Variants in ANKRD17 observed in about 807,000 individuals in gnomAD.
ANKRD17 encodes ankyrin repeat domain-containing protein 17.
In ANKRD17, 19 loss-of-function variants were observed where a neutral mutation model predicts 229.7. That is an observed-to-expected ratio of 0.08 (90% CI 0.06 to 0.12). The LOEUF (loss-of-function observed/expected upper bound fraction) is 0.12, where lower values mean the gene tolerates loss of function less well. ANKRD17 is among the 10% of genes least tolerant of loss of function. ANKRD17 has a pLI of 1.00. For missense variants in ANKRD17, 2,176 were observed against 3,176.8 expected (o/e 0.68, Z 7.57); for synonymous variants, 1,112 against 1,146.1 (o/e 0.97, Z 0.60).
At chr4:73,083,947 C>CAA (rs1387866184) in intron 30 of ANKRD17, among the ~76,000 whole-genome samples, 27 of 125,790 alleles carry the variant, frequency 2.1e-4, no homozygotes, top group Non-Finnish European at 3.5e-4. Flanking sequence ...AAAAACAAAA[C>CAA]AAAAAAAAAA....
intron 6 of ANKRD17, among the ~76,000 whole-genome samples, chr4:73,152,403 T>G (rs1731114314): frequency 6.6e-6 from 1 of 152,078 alleles, no homozygotes; most frequent in African/African-American, 2.4e-5. Flanking sequence ...AAAATCCACA[T>G]TAGTGCTCAG....
rs563216226 is a variant in ANKRD17, at chr4:73,166,231, G to T, written c.548-4883C>A. Among the ~76,000 whole-genome samples the T allele has an allele frequency of 3.3e-5, 5 of 152,274 alleles. No individual in the cohort carries two copies. The South Asian group carries it at 1.0e-3, about 32-fold the overall frequency. On this transcript the variant is annotated intron_variant, in intron 2 of 33. Coordinates refer to ENST00000358602, the MANE Select transcript of ANKRD17 (RefSeq NM_032217.5). ...ACCCAAGGATCACCAGACATCTGAAGAAAATCTTAAATATGAAAAGCCAAC... is the reference window on the plus strand; with the variant it reads ...ACCCAAGGATCACCAGACATCTGAATAAAATCTTAAATATGAAAAGCCAAC...
intron 31 of ANKRD17, among the ~76,000 whole-genome samples, chr4:73,078,438 T>C (rs1174121877): frequency 6.6e-6 from 1 of 151,818 alleles, no homozygotes; most frequent in Non-Finnish European, 1.5e-5. Context: ...CTTGGGAGGC[T>C]GTGGCAGGAG....
At chr4:73,148,691 T>C (rs1011876893) in intron 8 of ANKRD17, 122 bp downstream of exon 8, 4 of 861,854 alleles carry the variant, frequency 4.6e-6, no homozygotes, top group Non-Finnish European at 7.3e-6. Flanking sequence ...ACTTTATCAC[T>C]GGTTTGTGTA....
chr4:73,095,040 GGT>G (rs1288317613), intron 27 of ANKRD17, among the ~76,000 whole-genome samples: 2 of 151,898 alleles, frequency 1.3e-5, no homozygotes, highest in Non-Finnish European at 2.9e-5. Flanking sequence ...CAGGCATGGT[GGT>G]GTGCACCTGT....
At chr4:73,158,273 A>C (rs750515129) in intron 3 of ANKRD17, among the ~76,000 whole-genome samples, 2 of 152,186 alleles carry the variant, frequency 1.3e-5, no homozygotes, top group Non-Finnish European at 2.9e-5. Flanking sequence ...TCACAGTAAA[A>C]GCTGAAATCC....
intron 1 of ANKRD17, among the ~76,000 whole-genome samples, chr4:73,179,059 C>T (rs1735099885): frequency 6.6e-6 from 1 of 151,980 alleles, no homozygotes; most frequent in South Asian, 2.1e-4. Context: ...AAATCCTTAA[C>T]CATCATAACC....
intron 1 of ANKRD17, among the ~76,000 whole-genome samples, chr4:73,181,294 A>C (rs1735511069): frequency 6.6e-6 from 1 of 152,246 alleles, no homozygotes; most frequent in South Asian, 2.1e-4. Context: ...AAAGAAATGC[A>C]TGATACCAGC....
intron 2 of ANKRD17, among the ~76,000 whole-genome samples, chr4:73,173,621 A>G (rs1734330561): frequency 6.6e-6 from 1 of 152,238 alleles, no homozygotes; most frequent in Non-Finnish European, 1.5e-5. Flanking sequence ...AGACAGTCAA[A>G]TAACTGTGAG....
chr4:73,209,575 C>T (rs1248073001), intron 1 of ANKRD17, among the ~76,000 whole-genome samples: 2 of 152,102 alleles, frequency 1.3e-5, no homozygotes, highest in Non-Finnish European at 2.9e-5. Context: ...CCCAAACTTT[C>T]GGAAAACAGA....
Position 73,199,342 on chromosome 4 carries a change from G to T in ANKRD17, c.394-21809C>A, listed in dbSNP as rs112722585. ...GCCAGCCAGAAAGACAAAGAGAAAG[G>T]CGAGATGCCAAGCACCTTTCATTCA... On this transcript the variant is annotated intron_variant, in intron 1 of 33. Transcript: ENST00000358602. Among the ~76,000 whole-genome samples, 377 of 152,072 alleles carry T rather than the reference G, an allele frequency of 2.5e-3. 2 individuals are homozygous for T. Among genetic ancestry groups the T allele is most frequent in the South Asian group, 0.016 (77 of 4,824 alleles).
Position 73,161,185 on chromosome 4 carries a change from T to A in ANKRD17, c.704+7A>T. The stretch of plus-strand genomic sequence containing the variant: ...TTTCATACTGATGGCAGCAAAAATG[T>A]ACTTACTTGTCCGACTGCCCTGCAT... On this transcript the variant is annotated splice_region_variant and intron_variant, in intron 3 of 33. Coordinates refer to ENST00000358602, the MANE Select transcript of ANKRD17 (RefSeq NM_032217.5). 6.2e-7 allele frequency: 1 copy of A among 1,611,128 alleles called. No individual in the cohort carries two copies. The highest frequency in any genetic ancestry group is 8.5e-7 in the Non-Finnish European group (1 of 1,179,178).
chr4:73,233,005 G>A (rs1167295128), intron 1 of ANKRD17, among the ~76,000 whole-genome samples: 1 of 152,164 alleles, frequency 6.6e-6, no homozygotes, highest in East Asian at 1.9e-4. Context: ...TTATAAGCAT[G>A]AGCCTCTGTG....
intron 15 of ANKRD17, 29 bp from the exon 16 acceptor site, chr4:73,135,294 A>C (rs200071307): frequency 6.3e-7 from 1 of 1,591,748 alleles, no homozygotes; most frequent in East Asian, 2.3e-5. Context: ...GCACTTAATA[A>C]GGATGAAACA....
chr4:73,098,629 T>C, intron 25 of ANKRD17, 109 bp from the exon 26 acceptor site: 1 of 1,037,574 alleles, frequency 9.6e-7, no homozygotes, highest in Non-Finnish European at 1.4e-6. Flanking sequence ...CTACTACTAT[T>C]AGCCATGTAA....
chr4:73,093,376 C>CTTTTTTTTT (rs11368928), intron 28 of ANKRD17, among the ~76,000 whole-genome samples: 1 of 112,838 alleles, frequency 8.9e-6, no homozygotes, highest in African/African-American at 3.5e-5. Flanking sequence ...AACTCAAATT[C>CTTTTTTTTT]TTTTTTTTTT....
intron 20 of ANKRD17, among the ~76,000 whole-genome samples, chr4:73,120,541 CAAA>C (rs34780921): frequency 1.7e-5 from 2 of 118,038 alleles, no homozygotes. Flanking sequence ...AACGGTATTG[CAAA>C]AAAAAAAAAA....
intron 2 of ANKRD17, among the ~76,000 whole-genome samples, chr4:73,163,003 C>T (rs968655251): frequency 1.3e-4 from 19 of 151,312 alleles, no homozygotes; most frequent in Admixed American, 3.3e-4. Flanking sequence ...CGACCACAGG[C>T]GCATGTCACC....
At chr4:73,102,688 T>C in intron 24 of ANKRD17, 141 bp from the exon 25 acceptor site, 1 of 957,968 alleles carries the variant, frequency 1.0e-6, no homozygotes, top group South Asian at 1.6e-5. Flanking sequence ...TTTATCAAGA[T>C]CATATTCAAA....
Sources: allele counts gnomAD v4.1 joint callset (sites outside exome capture counted in the v4.1 genomes callset), GRCh38; gene constraint gnomAD v4.1.1; transcripts MANE v1.5; gene names NCBI Gene and HGNC (gene_info 2026-07-23, HGNC 2026-07-21).